Variants in COG5 observed in about 807,000 individuals in gnomAD.
The protein encoded by COG5 is component of oligomeric golgi complex 5.
COG5 carries 86 observed loss-of-function variants against 110.4 expected under a neutral mutation model. The observed-to-expected ratio is 0.78, with a 90% CI of 0.65 to 0.93. The LOEUF (loss-of-function observed/expected upper bound fraction) is 0.93. Ranked by LOEUF, COG5 falls within the 40% of genes least tolerant of loss-of-function variation. The pLI is 0.00. For missense variants in COG5, 1,077 were observed against 987.0 expected (o/e 1.09, Z -1.22); for synonymous variants, 360 against 334.6 (o/e 1.08, Z -0.83).
At chr7:107,396,833 C>G (rs1791052095) in intron 7 of COG5, among the ~76,000 whole-genome samples, 1 of 151,920 alleles carries the variant, frequency 6.6e-6, no homozygotes, top group Non-Finnish European at 1.5e-5. Flanking sequence ...TAAAAGGAAA[C>G]TATTGAAAAT....
intron 5 of COG5, among the ~76,000 whole-genome samples, chr7:107,536,879 T>G (rs1360739676): frequency 6.6e-6 from 1 of 152,194 alleles, no homozygotes; most frequent in African/African-American, 2.4e-5. Flanking sequence ...AAGGCTACAG[T>G]AACCAAAACA....
chr7:107,414,263 T>C (rs549129956), intron 6 of COG5, among the ~76,000 whole-genome samples: 3 of 152,308 alleles, frequency 2.0e-5, no homozygotes, highest in East Asian at 3.9e-4. Context: ...CCTTAATAAA[T>C]GTGGAGTGCA....
At chr7:107,318,024 T>C (rs11773514) in intron 11 of COG5, among the ~76,000 whole-genome samples, 23,739 of 151,952 alleles carry the variant, frequency 0.16, 2,302 homozygotes, top group Non-Finnish European at 0.22. Context: ...GCTTTTTTCT[T>C]TCTTTCTTTC....
At position 107,290,049 on chromosome 7, in the gene COG5, A is replaced by C. The variant is rs867049953; in HGVS notation, c.1314-6317T>G. Among the ~76,000 whole-genome samples the C allele has an allele frequency of 2.6e-5, 4 of 152,134 alleles. No individual in the cohort carries two copies. The South Asian group carries it at 8.3e-4, about 32-fold the overall frequency. On this transcript the variant is annotated intron_variant, in intron 12 of 21. Coordinates refer to ENST00000297135, the MANE Select transcript of COG5 (RefSeq NM_006348.5). The stretch of plus-strand genomic sequence containing the variant: ...CTTATCTTCACATATAGGTACAATG[A>C]CAATATTAGAAATAATTCTACTGCC...
intron 11 of COG5, among the ~76,000 whole-genome samples, chr7:107,322,304 T>C (rs1200515741): frequency 6.6e-6 from 1 of 152,090 alleles, no homozygotes. Flanking sequence ...TTCTAACACG[T>C]GAGGACACAG....
chr7:107,506,943 G>A (rs982936723), intron 6 of COG5, among the ~76,000 whole-genome samples: 1 of 152,222 alleles, frequency 6.6e-6, no homozygotes. Context: ...GAGATACACT[G>A]TGAGGCAGAA....
At chr7:107,563,353 G>A (rs1284580316) in intron 1 of COG5, 4 of 267,472 alleles carry the variant, frequency 1.5e-5, no homozygotes, top group Non-Finnish European at 2.2e-5. Flanking sequence ...ATTTGTTAAA[G>A]GAGTAAGCGT....
intron 14 of COG5, among the ~76,000 whole-genome samples, chr7:107,261,822 CTTTGA>C (rs1290249903): frequency 6.6e-6 from 1 of 151,962 alleles, no homozygotes; most frequent in African/African-American, 2.4e-5. Context: ...AAATCTTTCC[CTTTGA>C]TTTTACTTAT....
At chr7:107,444,195 T>C (rs1287386649) in intron 6 of COG5, among the ~76,000 whole-genome samples, 1 of 152,188 alleles carries the variant, frequency 6.6e-6, no homozygotes, top group Non-Finnish European at 1.5e-5. Context: ...AGTCTCTATA[T>C]TCTATATTAT....
chr7:107,295,152 G>C (rs1300863034), intron 12 of COG5, among the ~76,000 whole-genome samples: 1 of 117,336 alleles, frequency 8.5e-6, no homozygotes, highest in African/African-American at 3.3e-5. Flanking sequence ...GGCCAGGCTA[G>C]TCTCGAACTC....
chr7:107,360,527 G>A (rs189172352), intron 10 of COG5, among the ~76,000 whole-genome samples: 29 of 152,326 alleles, frequency 1.9e-4, no homozygotes, highest in Admixed American at 1.1e-3. Context: ...CCCCGAGCCA[G>A]GGTTGTGACA....
Position 107,497,443 on chromosome 7 carries a change from A to G in COG5, c.538+29794T>C, listed in dbSNP as rs755236280. 2.7e-4 allele frequency among the ~76,000 whole-genome samples: 41 copies of G among 152,228 alleles called. 1 individual carries two copies. The highest frequency in any genetic ancestry group is 9.2e-4 in the African/African-American group (38 of 41,466). ...AAACTATTAACATAAAAAATTCAGTAAAGTTGCAGAATACAAAATCAACAC... is the reference window on the plus strand; with the variant it reads ...AAACTATTAACATAAAAAATTCAGTGAAGTTGCAGAATACAAAATCAACAC... On this transcript the variant is annotated intron_variant, in intron 6 of 21. Transcript: ENST00000297135.
At chr7:107,278,129 G>A (rs1425224670) in intron 14 of COG5, among the ~76,000 whole-genome samples, 1 of 152,042 alleles carries the variant, frequency 6.6e-6, no homozygotes, top group African/African-American at 2.4e-5. Flanking sequence ...GTACATTTCA[G>A]GTTGTATTTG....
chr7:107,378,824 A>G (rs941734944), intron 7 of COG5, among the ~76,000 whole-genome samples: 2 of 152,192 alleles, frequency 1.3e-5, no homozygotes, highest in Non-Finnish European at 2.9e-5. Flanking sequence ...GACAGGGAAA[A>G]TGGAACCAAG....
intron 11 of COG5, among the ~76,000 whole-genome samples, chr7:107,316,773 A>G (rs1808798643): frequency 9.1e-6 from 1 of 109,860 alleles, no homozygotes; most frequent in Non-Finnish European, 1.9e-5. Flanking sequence ...CGGAGCTTGC[A>G]GTCAATGGAG....
At chr7:107,538,215 T>C (rs1389744685) in intron 5 of COG5, among the ~76,000 whole-genome samples, 3 of 152,194 alleles carry the variant, frequency 2.0e-5, no homozygotes, top group African/African-American at 4.8e-5. Context: ...AGAGAATTCA[T>C]CTGCATAATA....
chr7:107,371,055 T>C (rs970706621), intron 8 of COG5, among the ~76,000 whole-genome samples: 1 of 152,074 alleles, frequency 6.6e-6, no homozygotes, highest in Non-Finnish European at 1.5e-5. Context: ...CCTGGAAATT[T>C]AAACATTATA....
At chr7:107,410,705 G>C (rs966629134) in intron 7 of COG5, among the ~76,000 whole-genome samples, 2 of 152,134 alleles carry the variant, frequency 1.3e-5, no homozygotes, top group African/African-American at 4.8e-5. Context: ...GCCTCCCAAA[G>C]TGCTGGGATT....
intron 7 of COG5, among the ~76,000 whole-genome samples, chr7:107,409,843 T>A (rs747303570): frequency 1.3e-5 from 2 of 152,116 alleles, no homozygotes; most frequent in Non-Finnish European, 2.9e-5. Flanking sequence ...GACAAGATCA[T>A]CTCATGACAA....
Sources: allele counts gnomAD v4.1 joint callset (sites outside exome capture counted in the v4.1 genomes callset), GRCh38; gene constraint gnomAD v4.1.1; transcripts MANE v1.5; gene names NCBI Gene and HGNC (gene_info 2026-07-23, HGNC 2026-07-21).